IGSF10: variants seen among roughly 807,000 people sequenced by gnomAD.
IGSF10 encodes the protein calvaria mechanical force protein 608.
In IGSF10, 126 loss-of-function variants were observed where a neutral mutation model predicts 128.2. The observed-to-expected ratio is 0.98, with a 90% CI of 0.85 to 1.14. The LOEUF (loss-of-function observed/expected upper bound fraction) is 1.14, where lower values mean the gene tolerates loss of function less well. Among genes scored for constraint, IGSF10 ranks in the 50% most tolerant of loss-of-function variants. IGSF10 has a pLI of 0.00. For synonymous variants in IGSF10, 1,185 were observed against 1,146.2 expected (o/e 1.03, Z -0.68); for missense variants, 3,295 against 3,149.8 (o/e 1.05, Z -1.10).
chr3:151,491,994 G>A, the IGSF10 span, among the ~76,000 whole-genome samples: 1 of 37,300 alleles, frequency 2.7e-5, no homozygotes, highest in Admixed American at 2.7e-4. Flanking sequence ...GACCACAAAA[G>A]CAAAAATAAA....
chr3:151,568,902 A>T, the IGSF10 span, among the ~76,000 whole-genome samples: 3 of 152,206 alleles, frequency 2.0e-5, no homozygotes, highest in Non-Finnish European at 4.4e-5. Flanking sequence ...TAATATAGGG[A>T]ATCAATAGAT....
chr3:151,502,054 C>CAT, the IGSF10 span, among the ~76,000 whole-genome samples: 1 of 152,038 alleles, frequency 6.6e-6, no homozygotes, highest in Non-Finnish European at 1.5e-5. Flanking sequence ...TACCCACCCC[C>CAT]ATATATCCAG....
At chr3:151,617,250 T>TCTC in the IGSF10 span, among the ~76,000 whole-genome samples, 7 of 140,382 alleles carry the variant, frequency 5.0e-5, no homozygotes, top group South Asian at 2.5e-4. Flanking sequence ...CTCCTCCTCT[T>TCTC]CTTCTCCTTC....
Position 151,438,490 on chromosome 3 carries a change from T to C in IGSF10, c.6071A>G (p.Asp2024Gly). Residue 2024 changes from aspartate to glycine, a missense_variant, in exon 8 of 8, where the codon GAT becomes GGT. Transcript: ENST00000282466. ...GCTAACATGCATCAGTATCAGATCATCCCCCATTTTGTTTCTTGCCACACA... is the reference window on the plus strand; with the variant it reads ...GCTAACATGCATCAGTATCAGATCACCCCCCATTTTGTTTCTTGCCACACA... The part of the protein sequence containing the change: ...YLCVARNKMG[D>G]DLILMHVSLR... The C allele has an allele frequency of 6.2e-7, 1 of 1,614,078 alleles. No individual in the cohort carries two copies. The highest frequency in any genetic ancestry group is 8.5e-7 in the Non-Finnish European group (1 of 1,179,986).
the IGSF10 span, among the ~76,000 whole-genome samples, chr3:151,598,104 T>C: frequency 6.7e-6 from 1 of 148,740 alleles, no homozygotes; most frequent in Non-Finnish European, 1.5e-5. Context: ...TGTGTGTGTG[T>C]GTGTGTGAAT....
At chr3:151,584,402 T>C in the IGSF10 span, among the ~76,000 whole-genome samples, 1 of 152,222 alleles carries the variant, frequency 6.6e-6, no homozygotes, top group Non-Finnish European at 1.5e-5. Context: ...ATTTGCATTT[T>C]AATATACTTG....
At chr3:151,579,799 G>A in the IGSF10 span, among the ~76,000 whole-genome samples, 3 of 145,716 alleles carry the variant, frequency 2.1e-5, no homozygotes, top group East Asian at 6.2e-4. Flanking sequence ...AGAGCATTCA[G>A]AAGAATAAAT....
At chr3:151,568,494 C>T in the IGSF10 span, among the ~76,000 whole-genome samples, 64 of 152,234 alleles carry the variant, frequency 4.2e-4, no homozygotes, top group East Asian at 0.011. Context: ...GCCTGAATCA[C>T]GATTTGATTT....
the IGSF10 span, among the ~76,000 whole-genome samples, chr3:151,568,795 C>T: frequency 1.3e-5 from 2 of 152,196 alleles, no homozygotes; most frequent in Non-Finnish European, 2.9e-5. Flanking sequence ...GCTCCATTTA[C>T]TAGGTAAGAC....
chr3:151,491,665 C>T, the IGSF10 span, among the ~76,000 whole-genome samples: 1 of 152,082 alleles, frequency 6.6e-6, no homozygotes, highest in Non-Finnish European at 1.5e-5. Context: ...AATAAAACAT[C>T]TCCCAACAAA....
chr3:151,598,224 C>T, the IGSF10 span, among the ~76,000 whole-genome samples: 1,049 of 152,158 alleles, frequency 6.9e-3, 1 homozygote, highest in Middle Eastern at 0.027. Context: ...GATACTTAAG[C>T]CAACTTTTCC....
chr3:151,584,806 C>A, the IGSF10 span, among the ~76,000 whole-genome samples: 1 of 152,146 alleles, frequency 6.6e-6, no homozygotes, highest in Non-Finnish European at 1.5e-5. Context: ...CCTAGGGAAG[C>A]TGGTTCCTCT....
chr3:151,489,504 T>A, the IGSF10 span, among the ~76,000 whole-genome samples: 7 of 151,968 alleles, frequency 4.6e-5, no homozygotes, highest in African/African-American at 1.7e-4. Flanking sequence ...ATCTTTCTAC[T>A]ATAAAGACAC....
chr3:151,452,908 G>T (rs1359310635), intron 5 of IGSF10, among the ~76,000 whole-genome samples: 1 of 151,932 alleles, frequency 6.6e-6, no homozygotes, highest in African/African-American at 2.4e-5. Flanking sequence ...AGGAAAGGAA[G>T]GGCTCCAGGC....
intron 2 of IGSF10, among the ~76,000 whole-genome samples, chr3:151,459,174 C>T (rs113962013): frequency 2.2e-3 from 332 of 152,240 alleles, no homozygotes; most frequent in African/African-American, 7.6e-3. Context: ...AAAAAAATTA[C>T]TCAATCTCAC....
rs900503520 is a variant in IGSF10, at chr3:151,437,640, A to G, written c.6921T>C (p.Asp2307=). The G allele has an allele frequency of 5.0e-6, 8 of 1,614,060 alleles. No individual in the cohort carries two copies. Among genetic ancestry groups the G allele is most frequent in the South Asian group, 1.1e-5 (1 of 91,082 alleles). ...TLEIRNVRLS[D]SADFICVARN... ...GGGCCACACAGATAAAGTCGGCTGAATCTGAAAGCCTCACATTCCTAATTT... is the reference window on the plus strand; with the variant it reads ...GGGCCACACAGATAAAGTCGGCTGAGTCTGAAAGCCTCACATTCCTAATTT... The change falls in exon 8 of 8, where the codon GAT becomes GAC. Residue 2307 remains aspartate (D), a synonymous_variant. Transcript: ENST00000282466.
chr3:151,596,596 T>A, the IGSF10 span, among the ~76,000 whole-genome samples: 1 of 152,176 alleles, frequency 6.6e-6, no homozygotes, highest in African/African-American at 2.4e-5. Context: ...GACACCAGCG[T>A]CTTAGAGACG....
chr3:151,605,157 A>G, the IGSF10 span, among the ~76,000 whole-genome samples: 1 of 152,184 alleles, frequency 6.6e-6, no homozygotes, highest in South Asian at 2.1e-4. Flanking sequence ...GTGTTACTTT[A>G]TTTGACCTCA....
At chr3:151,502,960 T>C in the IGSF10 span, among the ~76,000 whole-genome samples, 1 of 152,128 alleles carries the variant, frequency 6.6e-6, no homozygotes, top group South Asian at 2.1e-4. Context: ...CCTTCTCTAC[T>C]TGAAGTAGAA....
Sources: gnomAD v4.1 joint callset for allele counts (sites outside exome capture counted in the v4.1 genomes callset) on GRCh38, gnomAD v4.1.1 for gene constraint, MANE v1.5 for transcripts, NCBI Gene and HGNC (gene_info 2026-07-23, HGNC 2026-07-21) for gene names.